Variants in SPECC1 observed in about 807,000 individuals in gnomAD.
SPECC1 encodes the protein cytospin-B.
Under a neutral mutation model 104.1 loss-of-function variants are expected in SPECC1, and 62 were observed. The ratio of observed to expected loss-of-function variants is 0.60; its 90% CI spans 0.49 to 0.74. The LOEUF (loss-of-function observed/expected upper bound fraction) is 0.74. SPECC1 is among the 30% of genes least tolerant of loss of function. The pLI, the probability that SPECC1 is intolerant of heterozygous loss-of-function variation, is 0.00. For missense variants in SPECC1, 1,306 were observed against 1,310.5 expected, an observed-to-expected ratio of 1.00 and a Z score of 0.05; for synonymous variants, 513 against 501.6, an observed-to-expected ratio of 1.02 and a Z score of -0.30.
intron 13 of SPECC1, among the ~76,000 whole-genome samples, chr17:20,298,948 A>AGAGAGAGAGAGAGAGAGTGTGT: frequency 2.0e-5 from 1 of 49,070 alleles, no homozygotes; most frequent in African/African-American, 9.3e-5. Context: ...AGAGAGAGAG[A>AGAGAGAGAGAGAGAGAGTGTGT]GTGTGTGTGT....
chr17:20,236,949 T>C lies in SPECC1; in HGVS notation c.2351+4544T>C, dbSNP rs761785886. On this transcript the variant is annotated intron_variant, in intron 7 of 14. Transcript: ENST00000395527. ...ATTGGGAGCCGCAGCCATCTCTAGA[T>C]GAAAGGGGGAATGTGTAGAGGAGAA... 3 of 1,611,754 alleles carry C rather than the reference T, an allele frequency of 1.9e-6. No individual in the cohort carries two copies. In the East Asian group the frequency reaches 6.7e-5, roughly 36 times the overall value.
chr17:20,186,851 G>A (rs2035316436), intron 3 of SPECC1, among the ~76,000 whole-genome samples: 1 of 152,172 alleles, frequency 6.6e-6, no homozygotes, highest in South Asian at 2.1e-4. Context: ...ATAGATCATA[G>A]GTGTGAGCCA....
chr17:20,255,241 G>A (rs1025505837), intron 10 of SPECC1, among the ~76,000 whole-genome samples: 3 of 152,214 alleles, frequency 2.0e-5, no homozygotes, highest in African/African-American at 7.2e-5. Flanking sequence ...AGAGTTCAGT[G>A]GAGGTAGAGA....
At chr17:20,132,260 A>C (rs1261457818) in intron 3 of SPECC1, among the ~76,000 whole-genome samples, 1 of 152,116 alleles carries the variant, frequency 6.6e-6, no homozygotes, top group Non-Finnish European at 1.5e-5. Flanking sequence ...GTGGTATATG[A>C]TTATTTTTAT....
chr17:20,090,511 T>G (rs2047358590), intron 1 of SPECC1, among the ~76,000 whole-genome samples: 1 of 151,924 alleles, frequency 6.6e-6, no homozygotes, highest in African/African-American at 2.4e-5. Context: ...GCAGCCTAGA[T>G]AGATATGAAA....
chr17:20,207,744 A>T (rs1316597371), intron 4 of SPECC1, among the ~76,000 whole-genome samples: 3 of 152,208 alleles, frequency 2.0e-5, no homozygotes, highest in Non-Finnish European at 4.4e-5. Context: ...CTCAGTTTAT[A>T]CATGTTTGAG....
intron 4 of SPECC1, among the ~76,000 whole-genome samples, chr17:20,218,012 A>G (rs534212260): frequency 6.6e-6 from 1 of 152,352 alleles, no homozygotes; most frequent in Non-Finnish European, 1.5e-5. Context: ...AGCCTGGGCA[A>G]CAGAGCAAGA....
chr17:20,021,777 C>T (rs1031216412), intron 1 of SPECC1, among the ~76,000 whole-genome samples: 3 of 147,312 alleles, frequency 2.0e-5, no homozygotes, highest in African/African-American at 7.4e-5. Flanking sequence ...ACCTCATGAT[C>T]CGCCCGCCTT....
chr17:20,096,521 C>T, intron 1 of SPECC1, 110 bp from the exon 2 acceptor site: 1 of 1,260,144 alleles, frequency 7.9e-7, no homozygotes, highest in South Asian at 1.5e-5. Context: ...ATAGGTGCTC[C>T]TACTCTGTGA....
At chr17:20,080,741 G>T (rs1199540391) in intron 1 of SPECC1, among the ~76,000 whole-genome samples, 1 of 152,072 alleles carries the variant, frequency 6.6e-6, no homozygotes, top group African/African-American at 2.4e-5. Context: ...TGCTGCCTGC[G>T]AGCCCTTACT....
At chr17:20,150,194 C>T (rs1007112250) in intron 3 of SPECC1, among the ~76,000 whole-genome samples, 2 of 151,574 alleles carry the variant, frequency 1.3e-5, no homozygotes, top group African/African-American at 2.4e-5. Context: ...CGTTTTAGTC[C>T]GGATGGTCTC....
intron 3 of SPECC1, among the ~76,000 whole-genome samples, chr17:20,131,343 A>T (rs955165211): frequency 1.3e-5 from 2 of 151,304 alleles, no homozygotes; most frequent in African/African-American, 2.4e-5. Context: ...AGGCATGCTA[A>T]TTTTTTTGTA....
intron 1 of SPECC1, among the ~76,000 whole-genome samples, chr17:20,088,214 T>C (rs1425277251): frequency 6.6e-6 from 1 of 152,182 alleles, no homozygotes; most frequent in Non-Finnish European, 1.5e-5. Context: ...TGATGTGATC[T>C]GATTTTTGTG....
chr17:20,116,254 A>G (rs2048749899), intron 3 of SPECC1, among the ~76,000 whole-genome samples: 1 of 151,950 alleles, frequency 6.6e-6, no homozygotes, highest in South Asian at 2.1e-4. Context: ...ACGCCCAGCT[A>G]ATTTTTTGTA....
intron 1 of SPECC1, among the ~76,000 whole-genome samples, chr17:20,027,250 C>A (rs1286128858): frequency 6.6e-6 from 1 of 152,152 alleles, no homozygotes; most frequent in Non-Finnish European, 1.5e-5. Flanking sequence ...TTATTCAGAT[C>A]TTTTGCCCAT....
intron 3 of SPECC1, among the ~76,000 whole-genome samples, chr17:20,162,280 G>C (rs1424128673): frequency 6.6e-6 from 1 of 151,828 alleles, no homozygotes; most frequent in African/African-American, 2.4e-5. Context: ...CAAGTAGCTG[G>C]GACTACAGGC....
intron 3 of SPECC1, among the ~76,000 whole-genome samples, chr17:20,117,099 G>A (rs999393938): frequency 6.6e-6 from 1 of 151,956 alleles, no homozygotes; most frequent in Non-Finnish European, 1.5e-5. Flanking sequence ...TGGACAAAGT[G>A]CAGAATACAC....
chr17:20,100,972 A>G (rs537144791), intron 2 of SPECC1, among the ~76,000 whole-genome samples: 41 of 152,308 alleles, frequency 2.7e-4, no homozygotes, highest in African/African-American at 8.9e-4. Flanking sequence ...AGCTTCATCC[A>G]TGTCCCTGCA....
Position 20,205,613 on chromosome 17 carries a change from T to C in SPECC1, c.1564T>C (p.Phe522Leu). ...GGAAGAAAATGAAAAACTGAATGAG[T>C]TTCTAGAACTGGAACGGCATAATAA... ...LKEENEKLNE[F>L]LELERHNNNM... The change falls in exon 4 of 15, where the codon TTT becomes CTT. Residue 522 changes from phenylalanine to leucine, a missense_variant. By Grantham distance (22) the Phe-to-Leu change is conservative (BLOSUM62 0). Transcript: ENST00000395527. 6.2e-7 allele frequency: 1 copy of C among 1,613,712 alleles called. No homozygotes were observed. Among genetic ancestry groups the C allele is most frequent in the South Asian group, 1.1e-5 (1 of 91,048 alleles).
Sources: allele counts gnomAD v4.1 joint callset (sites outside exome capture counted in the v4.1 genomes callset), GRCh38; gene constraint gnomAD v4.1.1; transcripts MANE v1.5; gene names NCBI Gene and HGNC (gene_info 2026-07-23, HGNC 2026-07-21).